The following RBPJ variants were observed in gnomAD, a reference collection of about 807,000 sequenced individuals.
RBPJ encodes recombination signal binding protein for immunoglobulin kappa J region.
A neutral mutation model predicts 67.8 loss-of-function variants in RBPJ; 9 were observed. The observed-to-expected ratio is 0.13, with a 90% CI of 0.08 to 0.23. The LOEUF (loss-of-function observed/expected upper bound fraction) is 0.23, where lower values mean the gene tolerates loss of function less well. RBPJ is among the 10% of genes least tolerant of loss of function. The pLI is 1.00. For synonymous variants in RBPJ, 198 were observed against 203.3 expected, an observed-to-expected ratio of 0.97 and a Z score of 0.22; for missense variants, 305 against 595.6, an observed-to-expected ratio of 0.51 and a Z score of 5.08.
intron 1 of RBPJ, among the ~76,000 whole-genome samples, chr4:26,340,506 AG>A (rs1725394219): frequency 6.6e-6 from 1 of 152,224 alleles, no homozygotes; most frequent in South Asian, 2.1e-4. Flanking sequence ...GCAGAGCTAA[AG>A]AAAAGTTAAG....
rs1736280128 is a variant in RBPJ, at chr4:26,431,975, A to G, written c.*968A>G. ...AAGTGTTCTCTCCCCTTTTCCCATG[A>G]CGTAAATACATAGGTGTGTTCCAGG... On this transcript the variant is annotated 3_prime_UTR_variant, in exon 11 of 11. Transcript: ENST00000355476. The G allele has an allele frequency of 1.3e-5, 2 of 152,218 alleles. No homozygotes were observed. The highest frequency in any genetic ancestry group is 4.8e-5 in the African/African-American group (2 of 41,458). 9.4% of individuals were successfully genotyped at this position (152,218 alleles called of 1,614,324 possible).
upstream of RBPJ, among the ~76,000 whole-genome samples, chr4:26,159,629 C>T (rs1037398593): frequency 2.6e-5 from 4 of 152,208 alleles, no homozygotes; most frequent in African/African-American, 9.6e-5. Flanking sequence ...ACCTTAGAAC[C>T]TTCAGCGTGT....
At chr4:26,404,381 A>T (rs1301612333) in intron 2 of RBPJ, among the ~76,000 whole-genome samples, 3 of 152,060 alleles carry the variant, frequency 2.0e-5, no homozygotes, top group African/African-American at 7.2e-5. Flanking sequence ...ACGTATTACC[A>T]CTTTTATCAT....
intron 1 of RBPJ, among the ~76,000 whole-genome samples, chr4:26,242,893 G>A (rs1417053007): frequency 6.6e-6 from 1 of 152,104 alleles, no homozygotes; most frequent in Non-Finnish European, 1.5e-5. Context: ...TGTTTGCCTT[G>A]AGGAAAAGTA....
At chr4:26,235,907 G>A (rs564895445) in intron 1 of RBPJ, among the ~76,000 whole-genome samples, 1 of 152,356 alleles carries the variant, frequency 6.6e-6, no homozygotes, top group South Asian at 2.1e-4. Context: ...GCTAAAGAAG[G>A]AATTGGAAGG....
At chr4:26,314,553 G>C (rs1722540915) in intron 1 of RBPJ, among the ~76,000 whole-genome samples, 1 of 152,242 alleles carries the variant, frequency 6.6e-6, no homozygotes, top group Non-Finnish European at 1.5e-5. Flanking sequence ...GTGATAGTGA[G>C]TGAGTTCTTG....
the RBPJ span, among the ~76,000 whole-genome samples, chr4:26,131,019 A>G: frequency 2.0e-5 from 3 of 152,350 alleles, no homozygotes; most frequent in African/African-American, 7.2e-5. Context: ...CTGTGCCATC[A>G]TGTACCACGT....
chr4:26,233,291 G>T (rs578090417), intron 1 of RBPJ, among the ~76,000 whole-genome samples: 23 of 152,320 alleles, frequency 1.5e-4, no homozygotes, highest in African/African-American at 5.3e-4. Flanking sequence ...AATATCCATT[G>T]TTAGAGGCAT....
intron 1 of RBPJ, among the ~76,000 whole-genome samples, chr4:26,198,056 G>A (rs965537847): frequency 2.0e-5 from 3 of 151,972 alleles, no homozygotes; most frequent in African/African-American, 4.8e-5. Flanking sequence ...TCAGGAGTTC[G>A]AGACCAGCCT....
chr4:26,123,381 C>T, the RBPJ span, among the ~76,000 whole-genome samples: 5 of 152,168 alleles, frequency 3.3e-5, no homozygotes, highest in Admixed American at 6.5e-5. Context: ...CTTGCAGGAC[C>T]GCAAGTTGTT....
At chr4:26,313,930 C>A (rs1312726795) in intron 1 of RBPJ, among the ~76,000 whole-genome samples, 1 of 152,120 alleles carries the variant, frequency 6.6e-6, no homozygotes, top group African/African-American at 2.4e-5. Context: ...TATTCCATTT[C>A]TTTCTTTTCC....
chr4:26,382,570 C>G lies in RBPJ; in HGVS notation c.21-3783C>G, dbSNP rs116672459. Among the ~76,000 whole-genome samples, 128 of 152,180 alleles carry G rather than the reference C, an allele frequency of 8.4e-4. 1 individual carries two copies. Among genetic ancestry groups the G allele is most frequent in the African/African-American group, 2.9e-3 (122 of 41,516 alleles). On this transcript the variant is annotated intron_variant, in intron 1 of 10. Coordinates refer to ENST00000355476, the MANE Select transcript of RBPJ (RefSeq NM_015874.6). ...TATTTTGTTGTGTTTGAGATAGGGT[C>G]TCAATCCTGTTGCCCAGGCTGGAGT...
chr4:26,332,982 G>A (rs947413802), intron 1 of RBPJ, among the ~76,000 whole-genome samples: 16 of 152,152 alleles, frequency 1.1e-4, no homozygotes, highest in African/African-American at 3.9e-4. Flanking sequence ...TGTAAAGTGA[G>A]CCACTATAGT....
rs369149024 is a variant in RBPJ, at chr4:26,270,383, AAG to A, written c.-166-92061_-166-92060del. Among the ~76,000 whole-genome samples, 472 of 50,458 alleles carry A rather than the reference AAG, an allele frequency of 9.4e-3. 24 individuals carry two copies. Among genetic ancestry groups the A allele is most frequent in the African/African-American group, 0.026 (423 of 16,572 alleles). The allele number at this position is 50,458 out of a possible 152,430, so 33.1% of individuals were successfully genotyped here. On this transcript the variant is annotated intron_variant, in intron 1 of 4. Transcript: ENST00000512351. ...AAAGAAAGAAAGAAAGAAAGAAAGA[AAG>A]AAAGAAAGAAAGAAAGAAAGAAAGA...
At chr4:26,224,182 T>C (rs977919801) in intron 1 of RBPJ, among the ~76,000 whole-genome samples, 1 of 152,060 alleles carries the variant, frequency 6.6e-6, no homozygotes, top group Non-Finnish European at 1.5e-5. Context: ...CCCCTCCCCT[T>C]CCCCCTGTAC....
rs143276601 is a variant in RBPJ, at chr4:26,423,296, C to T, written c.497-1046C>T. On this transcript the variant is annotated intron_variant, in intron 5 of 10. Coordinates refer to ENST00000355476, the MANE Select transcript of RBPJ (RefSeq NM_015874.6). ...GACATCAAAGGTAGAAGGTTTCTTT[C>T]TGACCTGACTTAGGATTCCTGCTAA... Among the ~76,000 whole-genome samples the T allele has an allele frequency of 2.5e-3, 387 of 152,298 alleles. 2 individuals carry two copies. The highest frequency in any genetic ancestry group is 4.8e-3 in the Non-Finnish European group (328 of 68,024).
intron 1 of RBPJ, among the ~76,000 whole-genome samples, chr4:26,305,096 G>C (rs549859148): frequency 6.6e-6 from 1 of 152,132 alleles, no homozygotes; most frequent in Non-Finnish European, 1.5e-5. Context: ...TGCAAAGACT[G>C]TTCCTTTTCC....
rs1245723553 is a variant in RBPJ, at chr4:26,431,785, A to C, written c.*778A>C. On this transcript the variant is annotated 3_prime_UTR_variant, in exon 11 of 11. Transcript: ENST00000355476. ...CAATACATGCAATGTATGTTAACTT[A>C]GTCTCTCTTCTCAGACACTGTTGGT... 1 of 152,026 alleles carries C rather than the reference A, an allele frequency of 6.6e-6. No homozygotes were observed. Among genetic ancestry groups the C allele is most frequent in the Non-Finnish European group, 1.5e-5 (1 of 67,998 alleles). The allele number at this position is 152,026 out of a possible 1,614,324, so 9.4% of individuals were successfully genotyped here.
chr4:26,149,129 G>A, the RBPJ span, among the ~76,000 whole-genome samples: 1 of 152,216 alleles, frequency 6.6e-6, no homozygotes, highest in Non-Finnish European at 1.5e-5. Flanking sequence ...AAGGAAGTGA[G>A]AAGCAGTTTT....
Sources: allele counts gnomAD v4.1 joint callset (sites outside exome capture counted in the v4.1 genomes callset), GRCh38; gene constraint gnomAD v4.1.1; transcripts MANE v1.5; gene names NCBI Gene and HGNC (gene_info 2026-07-23, HGNC 2026-07-21).